Variants in ZNF83 observed in about 807,000 individuals in gnomAD.
The protein encoded by ZNF83 is zinc finger protein 816B.
For missense variants in ZNF83, 552 were observed against 629.9 expected (o/e 0.88, Z 1.32); for synonymous variants, 209 against 213.0 (o/e 0.98, Z 0.17).
At chr19:52,682,302 T>C (rs1481369290) in intron 1 of ZNF83, among the ~76,000 whole-genome samples, 2 of 152,180 alleles carry the variant, frequency 1.3e-5, no homozygotes, top group Non-Finnish European at 2.9e-5. Flanking sequence ...GGAGGATCCC[T>C]AGAGGTCAGT....
chr19:52,618,781 G>A, intron 2 of ZNF83: 1 of 1,278,800 alleles, frequency 7.8e-7, no homozygotes, highest in Non-Finnish European at 1.1e-6. Flanking sequence ...AAAGGGGACA[G>A]TGAAAGTCCA....
At chr19:52,653,019 G>A in intron 3 of ZNF83, 6 of 1,437,890 alleles carry the variant, frequency 4.2e-6, no homozygotes, top group Admixed American at 1.7e-5. Context: ...GTTGTGCAAG[G>A]TTTGACTGTT....
In ZNF83 at chr19:52,643,708, G is replaced by GA. The variant is rs370930667; in HGVS notation, c.-73-8556dup. On this transcript the variant is annotated intron_variant, in intron 3 of 5. Transcript: ENST00000594682. ...AAGAGCAAAACTCTGTCTTAAAAAA[G>GA]AAAAAAAAAAAATTCCTGAGTAACG... is the stretch of plus-strand genomic sequence containing the variant. Among the ~76,000 whole-genome samples, 1,256 of 127,494 alleles carry GA rather than the reference G, an allele frequency of 9.9e-3. 10 individuals are homozygous for GA. The highest frequency in any genetic ancestry group is 0.06 in the East Asian group (232 of 3,898). 83.6% of individuals were successfully genotyped at this position (127,494 alleles called of 152,430 possible).
chr19:52,650,980 C>T (rs2061434662), intron 3 of ZNF83: 1 of 152,194 alleles, frequency 6.6e-6, no homozygotes, highest in African/African-American at 2.4e-5. Context: ...AAACCAATAT[C>T]CAATTCCCTT....
intron 2 of ZNF83, chr19:52,617,059 A>G (rs1369038428): frequency 6.6e-6 from 1 of 152,172 alleles, no homozygotes; most frequent in Non-Finnish European, 1.5e-5. Flanking sequence ...GGGAGGGAGA[A>G]CATTGGGAAA....
intron 2 of ZNF83, among the ~76,000 whole-genome samples, chr19:52,623,815 T>C (rs1458664957): frequency 1.3e-5 from 2 of 152,050 alleles, no homozygotes; most frequent in African/African-American, 2.4e-5. Flanking sequence ...TCCTTATGAT[T>C]CCCCCATTTT....
At chr19:52,645,419 C>T (rs1289376497) in intron 3 of ZNF83, among the ~76,000 whole-genome samples, 2 of 152,000 alleles carry the variant, frequency 1.3e-5, no homozygotes, top group African/African-American at 4.8e-5. Context: ...GAAAAACATA[C>T]ATGTACAGAA....
At chr19:52,620,270 C>CTG (rs377267661) in intron 2 of ZNF83, among the ~76,000 whole-genome samples, 2,696 of 144,496 alleles carry the variant, frequency 0.019, 32 homozygotes, top group South Asian at 0.022. Flanking sequence ...GTGTATATCT[C>CTG]TGTGTGTGTG....
intron 2 of ZNF83, among the ~76,000 whole-genome samples, chr19:52,628,613 C>T (rs184810381): frequency 1.3e-5 from 2 of 152,256 alleles, no homozygotes; most frequent in Admixed American, 6.5e-5. Context: ...TCAGACCACA[C>T]AGGGACGCCT....
At chr19:52,688,741 T>C (rs1199829179) in intron 1 of ZNF83, among the ~76,000 whole-genome samples, 1 of 152,050 alleles carries the variant, frequency 6.6e-6, no homozygotes, top group Non-Finnish European at 1.5e-5. Context: ...AATTTAAAAA[T>C]AATAAGTACT....
exon 3 of ZNF83, chr19:52,612,900 C>T: frequency 1.1e-6 from 1 of 879,034 alleles, no homozygotes; most frequent in Non-Finnish European, 1.7e-6. Flanking sequence ...GGTTATTAAG[C>T]CTTGAACAAA....
chr19:52,685,258 G>T (rs2061995014), intron 1 of ZNF83, among the ~76,000 whole-genome samples: 1 of 152,110 alleles, frequency 6.6e-6, no homozygotes, highest in Non-Finnish European at 1.5e-5. Context: ...CGCTCACTGG[G>T]CTCAGAGCGG....
At chr19:52,690,064 G>C (rs929168569) in intron 1 of ZNF83, among the ~76,000 whole-genome samples, 4 of 152,168 alleles carry the variant, frequency 2.6e-5, no homozygotes, top group African/African-American at 4.8e-5. Flanking sequence ...CAGGGGCCGC[G>C]GCGCTGCGCT....
chr19:52,624,256 C>T (rs1056389578), intron 2 of ZNF83, among the ~76,000 whole-genome samples: 2 of 152,192 alleles, frequency 1.3e-5, no homozygotes, highest in East Asian at 3.8e-4. Flanking sequence ...ACTCCTTCAA[C>T]ATTTATTCTC....
At chr19:52,652,795 C>A in intron 3 of ZNF83, 2 of 876,014 alleles carry the variant, frequency 2.3e-6, no homozygotes. Flanking sequence ...GGCTTTGCCA[C>A]ACTCATTGCA....
chr19:52,663,749 T>C (rs998352781), intron 1 of ZNF83, among the ~76,000 whole-genome samples: 3 of 152,096 alleles, frequency 2.0e-5, no homozygotes, highest in African/African-American at 7.2e-5. Flanking sequence ...AAAAACAATT[T>C]TAAAATGGTT....
At chr19:52,690,028 A>G (rs1256533377) in intron 1 of ZNF83, among the ~76,000 whole-genome samples, 5 of 152,066 alleles carry the variant, frequency 3.3e-5, no homozygotes. Context: ...TCCCAGGACT[A>G]GGCAGAGGAC....
At chr19:52,621,867 A>G (rs1250480799) in intron 2 of ZNF83, among the ~76,000 whole-genome samples, 3 of 152,150 alleles carry the variant, frequency 2.0e-5, no homozygotes, top group South Asian at 2.1e-4. Context: ...AGATGGGTAA[A>G]TGGTCTGAGG....
intron 2 of ZNF83, among the ~76,000 whole-genome samples, chr19:52,620,193 A>G (rs1443067753): frequency 6.6e-6 from 1 of 152,110 alleles, no homozygotes; most frequent in Admixed American, 6.6e-5. Flanking sequence ...TCAAAATACA[A>G]AAGATTTTCA....
Sources: gnomAD v4.1 joint callset for allele counts (sites outside exome capture counted in the v4.1 genomes callset) on GRCh38, gnomAD v4.1.1 for gene constraint, MANE v1.5 for transcripts, NCBI Gene and HGNC (gene_info 2026-07-23, HGNC 2026-07-21) for gene names.